Variants in RD3 observed in about 807,000 individuals in gnomAD.
The protein encoded by RD3 is RD3 regulator of GUCY2D, also known as protein RD3.
In RD3, 11 loss-of-function variants were observed where a neutral mutation model predicts 16.9. That is an observed-to-expected ratio of 0.65 (90% confidence interval 0.41 to 1.08). RD3 has a LOEUF of 1.08. Among genes scored for constraint, RD3 ranks in the 50% least tolerant of loss-of-function variants. The pLI is 0.00. For synonymous variants in RD3, 116 were observed against 114.8 expected, an observed-to-expected ratio of 1.01 and a Z score of -0.07; for missense variants, 274 against 267.4, an observed-to-expected ratio of 1.02 and a Z score of -0.17.
intron 2 of RD3, 113 bp from the exon 3 acceptor site, chr1:211,479,440 C>T: frequency 1.1e-6 from 1 of 932,412 alleles, no homozygotes; most frequent in Non-Finnish European, 1.6e-6. Flanking sequence ...TTAGTCCACT[C>T]TACTCTGCTC....
At chr1:211,479,788 T>A (rs189139941) in intron 2 of RD3, among the ~76,000 whole-genome samples, 1 of 152,318 alleles carries the variant, frequency 6.6e-6, no homozygotes, top group Non-Finnish European at 1.5e-5. Flanking sequence ...CCAGGTGAGC[T>A]GTTTGCCATG....
intron 1 of RD3, 107 bp downstream of exon 1, chr1:211,491,661 G>GAGGCC (rs1397548239): frequency 6.6e-6 from 1 of 152,402 alleles, no homozygotes; most frequent in Non-Finnish European, 1.5e-5. Context: ...CACACCCCTT[G>GAGGCC]AGGCCACCCC....
intron 1 of RD3, among the ~76,000 whole-genome samples, chr1:211,490,136 GTC>G (rs1203488387): frequency 6.6e-6 from 1 of 152,220 alleles, no homozygotes; most frequent in Non-Finnish European, 1.5e-5. Context: ...GGCAAGAGGA[GTC>G]TCTGGTTCCA....
chr1:211,480,714 A>T (rs1422259267), intron 2 of RD3, among the ~76,000 whole-genome samples: 1 of 152,204 alleles, frequency 6.6e-6, no homozygotes, highest in Non-Finnish European at 1.5e-5. Context: ...ATGAAAGCTA[A>T]CATAAGCTAA....
intron 1 of RD3, among the ~76,000 whole-genome samples, chr1:211,491,258 G>A (rs1705484014): frequency 2.0e-5 from 3 of 152,362 alleles, no homozygotes; most frequent in Admixed American, 1.3e-4. Flanking sequence ...AGGGGACTGA[G>A]GCACATCCAT....
rs1378994199 is a variant in RD3, at chr1:211,479,867, G to A, written c.297-540C>T. ...GCTGGGAAGAATCACTTGTGGCCCC[G>A]ACATGTCCCAGCTTCTCCCAAGGCC... On this transcript the variant is annotated intron_variant, in intron 2 of 2. Transcript: ENST00000680073. Among the ~76,000 whole-genome samples the A allele has an allele frequency of 2.0e-5, 3 of 152,308 alleles. No homozygotes were observed. The South Asian group carries it at 6.2e-4, about 32-fold the overall frequency.
Position 211,478,799 on chromosome 1 carries a change from A to G in RD3, c.*237T>C, listed in dbSNP as rs1057175632. On this transcript the variant is annotated 3_prime_UTR_variant, in exon 3 of 3. Transcript: ENST00000680073. ...GTTAGGGAAGGGGCTGCTCCTGCAGACTAGCGCAGGAGAGGGAGAGGGCGG... is the reference window on the plus strand; with the variant it reads ...GTTAGGGAAGGGGCTGCTCCTGCAGGCTAGCGCAGGAGAGGGAGAGGGCGG... 2 of 533,876 alleles carry G rather than the reference A, an allele frequency of 3.7e-6. No homozygotes were observed. Among genetic ancestry groups the G allele is most frequent in the Non-Finnish European group, 6.6e-6 (2 of 302,618 alleles). The allele number at this position is 533,876 out of a possible 1,614,324, so 33.1% of individuals were successfully genotyped here. A position where few individuals can be genotyped will look rare whatever the true frequency, so the allele number is the denominator to read the frequency against.
chr1:211,488,689 T>A (rs569864162), intron 1 of RD3, among the ~76,000 whole-genome samples: 87 of 152,296 alleles, frequency 5.7e-4, no homozygotes, highest in African/African-American at 2.1e-3. Flanking sequence ...CCCCTATCCA[T>A]CTTGGGGTCC....
chr1:211,490,981 C>T (rs577755573), intron 1 of RD3, among the ~76,000 whole-genome samples: 2 of 152,348 alleles, frequency 1.3e-5, no homozygotes, highest in South Asian at 4.1e-4. Context: ...GTTGAATCTG[C>T]TGCACATGGT....
chr1:211,488,614 C>T (rs1572146179), intron 1 of RD3, among the ~76,000 whole-genome samples: 1 of 151,644 alleles, frequency 6.6e-6, no homozygotes, highest in East Asian at 1.9e-4. Flanking sequence ...GCAATGATGA[C>T]ACAAAACAAG....
Position 211,485,860 on chromosome 1 carries a change from TA to T in RD3, c.-11-4435del, listed in dbSNP as rs141378576. On this transcript the variant is annotated intron_variant, in intron 1 of 2. Transcript: ENST00000680073. ...ATGAACACTGATTGAATCCTTGTTTTAAAAAATTAGGATAGGCCAGGCACGA... is the reference window on the plus strand; with the variant it reads ...ATGAACACTGATTGAATCCTTGTTTTAAAAATTAGGATAGGCCAGGCACGA... Among the ~76,000 whole-genome samples the T allele has an allele frequency of 1.6e-3, 237 of 152,248 alleles. 3 individuals are homozygous for T. In the East Asian group the frequency reaches 0.032, roughly 21 times the overall value.
Position 211,492,137 on chromosome 1 carries a change from T to G in RD3, c.-381A>C, listed in dbSNP as rs1285813773. The G allele has an allele frequency of 1.3e-5, 2 of 153,912 alleles. No individual in the cohort carries two copies. The highest frequency in any genetic ancestry group is 2.9e-5 in the Non-Finnish European group (2 of 69,924). The allele number at this position is 153,912 out of a possible 1,614,324, so 9.5% of individuals were successfully genotyped here. On this transcript the variant is annotated 5_prime_UTR_variant, in exon 1 of 3. Transcript: ENST00000680073. ...GAGGCTGGAGCCACAGCTTCCCTGATGAACCATGGAGGCGGGCCAGCTCCT... is the reference window on the plus strand; with the variant it reads ...GAGGCTGGAGCCACAGCTTCCCTGAGGAACCATGGAGGCGGGCCAGCTCCT...
At chr1:211,479,376 C>G (rs1705217494) in intron 2 of RD3, 49 bp from the exon 3 acceptor site, 7 of 1,545,804 alleles carry the variant, frequency 4.5e-6, no homozygotes, top group Non-Finnish European at 6.1e-6. Context: ...AACAGCGGGT[C>G]TGGCACCCCG....
At position 211,481,333 on chromosome 1, in the gene RD3, G is replaced by A. The variant is rs61740157; in HGVS notation, c.83C>T (p.Thr28Met). Residue 28 changes from threonine to methionine, a missense_variant, in exon 2 of 3, where the codon ACG becomes ATG. Transcript: ENST00000680073. ...CTGCCCCGTCAGCTCCATCATAAGC[G>A]TCTCCAGCACCATCTCAGCAGGGCT... ...TRSPAEMVLE[T>M]LMMELTGQMR... 244 of 1,614,172 alleles carry A rather than the reference G, an allele frequency of 1.5e-4. 1 individual carries two copies. The African/African-American group carries it at 2.6e-3, about 17-fold the overall frequency.
chr1:211,484,012 A>T (rs1457022019), intron 1 of RD3, among the ~76,000 whole-genome samples: 1 of 152,154 alleles, frequency 6.6e-6, no homozygotes, highest in Non-Finnish European at 1.5e-5. Flanking sequence ...CCCATTCTAC[A>T]TGGAGACCAG....
In RD3 at chr1:211,479,075, G is replaced by A. The variant is rs1369527406; in HGVS notation, c.549C>T (p.Ser183=). 1 of 1,610,184 alleles carries A rather than the reference G, an allele frequency of 6.2e-7. No individual in the cohort carries two copies. Among genetic ancestry groups the A allele is most frequent in the Non-Finnish European group, 8.5e-7 (1 of 1,179,288 alleles). ...VERDTPPPLR[S]WSMPEFRAPK... ...GCGCCCGGAATTCGGGCATGCTCCAGGACCGCAGTGGCGGCGGTGTGTCCC... is the reference window on the plus strand; with the variant it reads ...GCGCCCGGAATTCGGGCATGCTCCAAGACCGCAGTGGCGGCGGTGTGTCCC... Residue 183 remains serine, a synonymous_variant, in exon 3 of 3, where the codon TCC becomes TCT. Transcript: ENST00000680073.
chr1:211,491,515 G>A (rs1483338315), intron 1 of RD3, among the ~76,000 whole-genome samples: 3 of 152,124 alleles, frequency 2.0e-5, no homozygotes, highest in Admixed American at 2.0e-4. Flanking sequence ...ACAAAACAAG[G>A]AGCAGGCTAT....
Position 211,479,114 on chromosome 1 carries a change from G to C in RD3, c.510C>G (p.Ser170=). ...GCGGTGTGTCCCGCTCCACGTCCTC[G>C]GAGATGGTCCTGATGTCGCTGGCGA... ...SPFASDIRTI[S]EDVERDTPPP... Residue 170 remains serine, a synonymous_variant, in exon 3 of 3, where the codon TCC becomes TCG. Coordinates refer to ENST00000680073, the MANE Select transcript of RD3 (RefSeq NM_001164688.2). 6.2e-7 allele frequency: 1 copy of C among 1,612,138 alleles called. No individual in the cohort carries two copies. Among genetic ancestry groups the C allele is most frequent in the South Asian group, 1.1e-5 (1 of 90,840 alleles).
Position 211,478,864 on chromosome 1 carries a change from A to G in RD3, c.*172T>C. The G allele has an allele frequency of 1.6e-6, 1 of 631,626 alleles. No homozygotes were observed. The highest frequency in any genetic ancestry group is 2.7e-6 in the Non-Finnish European group (1 of 371,754). The allele number at this position is 631,626 out of a possible 1,614,324, so 39.1% of individuals were successfully genotyped here. On this transcript the variant is annotated 3_prime_UTR_variant, in exon 3 of 3. Transcript: ENST00000680073. Reference sequence around the variant, plus strand: ...CTAACTCAGCTTTGTGGCCAGAGGAAGAGGATGGGGCAGGGAGTCGCTTCA... The same window carrying G: ...CTAACTCAGCTTTGTGGCCAGAGGAGGAGGATGGGGCAGGGAGTCGCTTCA...
Sources: allele counts gnomAD v4.1 joint callset (sites outside exome capture counted in the v4.1 genomes callset), GRCh38; gene constraint gnomAD v4.1.1; transcripts MANE v1.5; gene names NCBI Gene and HGNC (gene_info 2026-07-23, HGNC 2026-07-21).